GRID1: variants seen among roughly 807,000 people sequenced by gnomAD.
GRID1 encodes glutamate receptor ionotropic, delta-1.
A neutral mutation model predicts 98.0 loss-of-function variants in GRID1; 28 were observed. That is an observed-to-expected ratio of 0.29 (90% CI 0.21 to 0.39). GRID1 has a LOEUF of 0.39. Ranked by LOEUF, GRID1 falls within the 10% of genes least tolerant of loss-of-function variation. GRID1 has a pLI of 1.00. For missense variants in GRID1, 1,111 were observed against 1,340.5 expected (o/e 0.83, Z 2.67); for synonymous variants, 553 against 538.5 (o/e 1.03, Z -0.37).
intron 2 of GRID1, among the ~76,000 whole-genome samples, chr10:86,267,681 A>G (rs1463250940): frequency 6.6e-6 from 1 of 152,168 alleles, no homozygotes; most frequent in African/African-American, 2.4e-5. Flanking sequence ...CTCAGCTGAA[A>G]GACAACAAAA....
chr10:85,606,973 C>G, intron 15 of GRID1: 1 of 152,168 alleles, frequency 6.6e-6, no homozygotes. Context: ...CATTAATTTA[C>G]TGTAGGTAAC....
intron 4 of GRID1, among the ~76,000 whole-genome samples, chr10:86,108,015 C>T (rs954554628): frequency 2.0e-5 from 3 of 152,200 alleles, no homozygotes; most frequent in Admixed American, 6.5e-5. Context: ...TTTGTCCGTG[C>T]GACAAGGTAG....
At chr10:85,901,227 T>TTTTA (rs34330928) in intron 5 of GRID1, among the ~76,000 whole-genome samples, 12,374 of 146,256 alleles carry the variant, frequency 0.085, 589 homozygotes, top group East Asian at 0.16. Context: ...TTTTATTTTA[T>TTTTA]TTTATTTATT....
Position 85,829,912 on chromosome 10 carries a change from C to A in GRID1, c.1233+24584G>T, listed in dbSNP as rs73332647. On this transcript the variant is annotated intron_variant, in intron 8 of 15. Transcript: ENST00000327946. ...GTGCAATTTACAGATGCAATGCTAT[C>A]CCTATTGAACTACCAATGGCATTCT... Among the ~76,000 whole-genome samples the A allele has an allele frequency of 5.7e-3, 868 of 152,236 alleles. 8 individuals are homozygous for A. The highest frequency in any genetic ancestry group is 0.02 in the African/African-American group (816 of 41,542).
At chr10:85,777,680 A>G (rs141035172) in intron 8 of GRID1, among the ~76,000 whole-genome samples, 216 of 152,358 alleles carry the variant, frequency 1.4e-3, no homozygotes, top group African/African-American at 4.8e-3. Context: ...TTTGCCTACT[A>G]AAGAGACTTC....
chr10:85,722,017 A>G (rs568276018), intron 12 of GRID1, among the ~76,000 whole-genome samples: 37 of 152,342 alleles, frequency 2.4e-4, no homozygotes, highest in African/African-American at 8.7e-4. Context: ...ATTTCTTACA[A>G]CTACATATGA....
At chr10:86,086,042 A>T (rs1806590) in intron 4 of GRID1, among the ~76,000 whole-genome samples, 1 of 151,666 alleles carries the variant, frequency 6.6e-6, no homozygotes. Context: ...GTCCCTTCCC[A>T]TCAGAGTGCT....
intron 13 of GRID1, among the ~76,000 whole-genome samples, chr10:85,641,458 G>A (rs1843116748): frequency 6.6e-6 from 1 of 152,190 alleles, no homozygotes; most frequent in South Asian, 2.1e-4. Flanking sequence ...AGAGAGGGAA[G>A]GAAATAGAGG....
chr10:85,700,784 A>C (rs1418950973), intron 12 of GRID1, among the ~76,000 whole-genome samples: 1 of 152,188 alleles, frequency 6.6e-6, no homozygotes. Context: ...TTGATAAGTG[A>C]ATCTCTGCTC....
rs556554526 is a variant in GRID1, at chr10:85,947,898, G to A, written c.727-31659C>T. Among the ~76,000 whole-genome samples, 98 of 152,288 alleles carry A rather than the reference G, an allele frequency of 6.4e-4. 1 individual carries two copies. In the South Asian group the frequency reaches 0.012, roughly 18 times the overall value. ...CTTGGATATGTTGCAAAAGAATTAG[G>A]AGAATGTTGAATAACACTGCAGGTG... On this transcript the variant is annotated intron_variant, in intron 4 of 15. Coordinates refer to ENST00000327946, the MANE Select transcript of GRID1 (RefSeq NM_017551.3).
chr10:85,967,636 T>A (rs922713381), intron 4 of GRID1, among the ~76,000 whole-genome samples: 1 of 152,112 alleles, frequency 6.6e-6, no homozygotes, highest in African/African-American at 2.4e-5. Flanking sequence ...AGAATGTCAA[T>A]AAAGAGACAG....
Position 85,856,159 on chromosome 10 carries a change from A to C in GRID1, c.983T>G (p.Leu328Arg). ...CCTGTGAAAGGCGTTGGCCAGCATC[A>C]GAACACTGTCATACAGATAGAGGTT... is the stretch of plus-strand genomic sequence containing the variant. ...ISNLYLYDSV[L>R]MLANAFHRKL... is the part of the protein sequence containing the mutation. The change falls in exon 7 of 16, where the codon CTG becomes CGG. Residue 328 changes from leucine (L) to arginine (R), a missense_variant. Leu to Arg is a moderately radical substitution (Grantham distance 102, BLOSUM62 -2). This residue lies in a region of GRID1 where 346 missense variants were observed against 452.3 expected (regional missense o/e 0.76). Coordinates refer to ENST00000327946, the MANE Select transcript of GRID1 (RefSeq NM_017551.3). 1 of 1,614,186 alleles carries C rather than the reference A, an allele frequency of 6.2e-7. No individual in the cohort carries two copies. The highest frequency in any genetic ancestry group is 8.5e-7 in the Non-Finnish European group (1 of 1,180,010).
chr10:85,920,408 G>A (rs1026767009), intron 4 of GRID1, among the ~76,000 whole-genome samples: 16 of 152,134 alleles, frequency 1.1e-4, no homozygotes, highest in African/African-American at 1.7e-4. Flanking sequence ...CTCTTGATTC[G>A]ATGGTCTCTT....
intron 4 of GRID1, among the ~76,000 whole-genome samples, chr10:85,972,158 C>CTT (rs397846947): frequency 3.5e-5 from 5 of 143,938 alleles, no homozygotes; most frequent in African/African-American, 7.6e-5. Context: ...GACCATTTTT[C>CTT]TTTTTTTTTT....
At chr10:85,752,714 T>C (rs933978951) in intron 8 of GRID1, among the ~76,000 whole-genome samples, 4 of 152,222 alleles carry the variant, frequency 2.6e-5, no homozygotes, top group African/African-American at 9.6e-5. Context: ...CCTCATAATA[T>C]GGCTGACAAG....
intron 2 of GRID1, among the ~76,000 whole-genome samples, chr10:86,222,818 AC>A (rs1480629569): frequency 6.6e-6 from 1 of 151,970 alleles, no homozygotes; most frequent in Non-Finnish European, 1.5e-5. Flanking sequence ...GGGGCAGGGC[AC>A]CCCCTTCCTC....
At chr10:86,031,043 C>T (rs1219468694) in intron 4 of GRID1, among the ~76,000 whole-genome samples, 4 of 152,114 alleles carry the variant, frequency 2.6e-5, no homozygotes, top group African/African-American at 4.8e-5. Context: ...TCCTCAAACC[C>T]GCCTATAAAA....
At chr10:86,295,256 T>G (rs1485143419) in intron 2 of GRID1, among the ~76,000 whole-genome samples, 1 of 152,116 alleles carries the variant, frequency 6.6e-6, no homozygotes, top group Non-Finnish European at 1.5e-5. Context: ...AGTGTCCTTA[T>G]GAGCAGATGG....
intron 4 of GRID1, among the ~76,000 whole-genome samples, chr10:86,118,220 A>G (rs901054331): frequency 6.6e-6 from 1 of 152,226 alleles, no homozygotes; most frequent in East Asian, 1.9e-4. Flanking sequence ...TCCTAAGTAA[A>G]GTAACTTAGG....
Sources: gnomAD v4.1 joint callset for allele counts (sites outside exome capture counted in the v4.1 genomes callset) on GRCh38, gnomAD v4.1.1 for gene constraint, gnomAD v4.1.1 regional missense constraint, MANE v1.5 for transcripts, NCBI Gene and HGNC (gene_info 2026-07-23, HGNC 2026-07-21) for gene names.